Variants in DNAJC13 observed in about 807,000 individuals in gnomAD.
DNAJC13 encodes DnaJ heat shock protein family (Hsp40) member C13, also known as dnaJ homolog subfamily C member 13.
A neutral mutation model predicts 290.5 loss-of-function variants in DNAJC13; 75 were observed. That is an observed-to-expected ratio of 0.26 (90% confidence interval 0.21 to 0.31). DNAJC13 has a LOEUF of 0.31. Ranked by LOEUF, DNAJC13 falls within the 10% of genes least tolerant of loss-of-function variation. DNAJC13 has a pLI of 1.00. For missense variants in DNAJC13, 2,260 were observed against 2,674.5 expected (o/e 0.85, Z 3.42); for synonymous variants, 862 against 892.0 (o/e 0.97, Z 0.60).
Position 132,475,014 on chromosome 3 carries a change from A to G in DNAJC13, c.2374A>G (p.Met792Val), listed in dbSNP as rs1934422928. ...EELKDTLESE[M>V]RAFNIDRELG... Reference sequence around the variant, plus strand: ...ACTGAAAGATACTCTTGAATCTGAAATGAGAGCATTTAATATTGACAGAGA... The same window carrying G: ...ACTGAAAGATACTCTTGAATCTGAAGTGAGAGCATTTAATATTGACAGAGA... Residue 792 changes from methionine to valine, a missense_variant, in exon 22 of 56, where the codon ATG becomes GTG. Transcript: ENST00000260818. The G allele has an allele frequency of 2.5e-6, 4 of 1,612,120 alleles. No homozygotes were observed. In the East Asian group the frequency reaches 8.9e-5, roughly 36 times the overall value.
chr3:132,490,711 A>T (rs1030109421), intron 31 of DNAJC13, among the ~76,000 whole-genome samples, 186 bp from the exon 32 acceptor site: 7 of 152,314 alleles, frequency 4.6e-5, no homozygotes, highest in African/African-American at 1.4e-4. Flanking sequence ...ATGCCAAGCC[A>T]GTTTGTACCA....
chr3:132,432,070 G>A (rs1017913211), intron 1 of DNAJC13, among the ~76,000 whole-genome samples: 1 of 152,104 alleles, frequency 6.6e-6, no homozygotes, highest in Non-Finnish European at 1.5e-5. Flanking sequence ...TTCTAATTAT[G>A]TAAAAAATAC....
intron 19 of DNAJC13, 128 bp from the exon 20 acceptor site, chr3:132,467,042 T>C (rs1294201512): frequency 6.7e-6 from 7 of 1,043,014 alleles, no homozygotes; most frequent in Non-Finnish European, 9.1e-6. Context: ...AGTTTTCAGT[T>C]TGTTTCTTCA....
At chr3:132,461,347 G>T in intron 15 of DNAJC13, 142 bp downstream of exon 15, 1 of 833,562 alleles carries the variant, frequency 1.2e-6, no homozygotes, top group Non-Finnish European at 1.9e-6. Context: ...ACTGAAAGAA[G>T]AGTTGTCTTG....
At chr3:132,485,541 A>G (rs1462936839) in intron 29 of DNAJC13, among the ~76,000 whole-genome samples, 1 of 152,152 alleles carries the variant, frequency 6.6e-6, no homozygotes, top group Non-Finnish European at 1.5e-5. Context: ...TTTATTTATT[A>G]CCTATTTTTA....
At chr3:132,496,064 C>T (rs1576499860) in intron 35 of DNAJC13, among the ~76,000 whole-genome samples, 1 of 152,062 alleles carries the variant, frequency 6.6e-6, no homozygotes, top group East Asian at 1.9e-4. Context: ...TTAGCTCTGC[C>T]ACCAGTTGAT....
chr3:132,522,982 G>C lies in DNAJC13; in HGVS notation c.5828G>C (p.Arg1943Thr). Residue 1943 changes from arginine (R) to threonine (T), a missense_variant, in exon 49 of 56, where the codon AGG becomes ACG. By Grantham distance (71) the Arg-to-Thr change is moderately conservative. Around this residue, in one of 3 missense-constraint regions of DNAJC13, gnomAD observed 1,494 missense variants for 1,693.7 expected, o/e 0.88. Coordinates refer to ENST00000260818, the MANE Select transcript of DNAJC13 (RefSeq NM_015268.4). ...NSRDKVSTTV[R>T]EMMLEHFKNQ... ...AGAGATAAAGTGTCCACAACAGTTA[G>C]GGAAATGATGCTAGAGTAAGTAAAA... 6.2e-7 allele frequency: 1 copy of C among 1,609,448 alleles called. No individual in the cohort carries two copies. Among genetic ancestry groups the C allele is most frequent in the Non-Finnish European group, 8.5e-7 (1 of 1,178,786 alleles).
At chr3:132,507,965 A>C (rs1935648074) in intron 43 of DNAJC13, among the ~76,000 whole-genome samples, 1 of 152,226 alleles carries the variant, frequency 6.6e-6, no homozygotes, top group Non-Finnish European at 1.5e-5. Context: ...CACACAGCCA[A>C]GTTGTGAGTG....
At chr3:132,481,007 A>G (rs914891232) in intron 26 of DNAJC13, among the ~76,000 whole-genome samples, 3 of 152,312 alleles carry the variant, frequency 2.0e-5, no homozygotes, top group Admixed American at 6.5e-5. Context: ...GTTATATACC[A>G]TTACAACAGG....
intron 1 of DNAJC13, among the ~76,000 whole-genome samples, chr3:132,420,884 T>A (rs1403400296): frequency 6.6e-6 from 1 of 152,218 alleles, no homozygotes; most frequent in African/African-American, 2.4e-5. Context: ...ACACAACATG[T>A]CCAGCTTTTA....
At chr3:132,428,606 A>T (rs1939165860) in intron 1 of DNAJC13, among the ~76,000 whole-genome samples, 1 of 152,044 alleles carries the variant, frequency 6.6e-6, no homozygotes. Flanking sequence ...CATGGTGCCT[A>T]GCCAATCTGG....
Position 132,467,303 on chromosome 3 carries a change from C to G in DNAJC13, c.2198C>G (p.Ala733Gly), listed in dbSNP as rs377679037. Residue 733 changes from alanine (A) to glycine (G), a missense_variant, in exon 20 of 56, where the codon GCT (alanine) becomes GGT (glycine). Transcript: ENST00000260818. ...LMHWRDRMGI[A>G]QKENINQKPV... ...CACTGGAGGGATAGGATGGGCATTG[C>G]TCAAAAAGAGGTAAAAATAAAATTT... 6.2e-7 allele frequency: 1 copy of G among 1,611,578 alleles called. No individual in the cohort carries two copies. Among genetic ancestry groups the G allele is most frequent in the Non-Finnish European group, 8.5e-7 (1 of 1,179,002 alleles).
At chr3:132,493,210 C>G (rs1935119841) in intron 33 of DNAJC13, among the ~76,000 whole-genome samples, 1 of 151,952 alleles carries the variant, frequency 6.6e-6, no homozygotes, top group Admixed American at 6.6e-5. Context: ...GTTGGCCTGT[C>G]CAGAGTGCCC....
In DNAJC13 at chr3:132,465,201, T is replaced by C. The variant is rs140941199; in HGVS notation, c.1893-794T>C. ...GGGTTTTGCAGTTAAATTTTGTTCT[T>C]CAGTAATGTAACATATATAAAACAT... On this transcript the variant is annotated intron_variant, in intron 17 of 55. Coordinates refer to ENST00000260818, the MANE Select transcript of DNAJC13 (RefSeq NM_015268.4). Among the ~76,000 whole-genome samples the C allele has an allele frequency of 1.5e-3, 227 of 152,288 alleles. 1 individual carries two copies. Among genetic ancestry groups the C allele is most frequent in the African/African-American group, 5.3e-3 (220 of 41,588 alleles).
intron 1 of DNAJC13, among the ~76,000 whole-genome samples, chr3:132,420,388 G>A (rs376761146): frequency 6.6e-6 from 1 of 152,124 alleles, no homozygotes; most frequent in African/African-American, 2.4e-5. Context: ...GAACATTCAG[G>A]GGGTAGATGA....
intron 13 of DNAJC13, among the ~76,000 whole-genome samples, chr3:132,459,149 C>G (rs1413519575): frequency 1.3e-5 from 2 of 152,094 alleles, no homozygotes; most frequent in Non-Finnish European, 2.9e-5. Context: ...GTAACTTGTT[C>G]AAGGTCATGT....
chr3:132,466,770 C>A (rs1452737061), intron 19 of DNAJC13, among the ~76,000 whole-genome samples: 5 of 152,068 alleles, frequency 3.3e-5, no homozygotes, highest in Admixed American at 2.6e-4. Flanking sequence ...TTGGTAAAAA[C>A]GGCCAACCAT....
At position 132,528,174 on chromosome 3, in the gene DNAJC13, T is replaced by G; in HGVS notation, c.6382-15T>G. Reference sequence around the variant, plus strand: ...TTTTTTCTGTGTGTTTATATATGCTTAATATTTCTTCTAGGCCCTGAAAGC... The same window carrying G: ...TTTTTTCTGTGTGTTTATATATGCTGAATATTTCTTCTAGGCCCTGAAAGC... On this transcript the variant is annotated splice_polypyrimidine_tract_variant and intron_variant, in intron 53 of 55. Coordinates refer to ENST00000260818, the MANE Select transcript of DNAJC13 (RefSeq NM_015268.4). 6.2e-7 allele frequency: 1 copy of G among 1,613,418 alleles called. No homozygotes were observed. The highest frequency in any genetic ancestry group is 8.5e-7 in the Non-Finnish European group (1 of 1,179,654).
chr3:132,439,915 G>C (rs540492635), intron 2 of DNAJC13, among the ~76,000 whole-genome samples: 4 of 152,262 alleles, frequency 2.6e-5, no homozygotes, highest in African/African-American at 9.6e-5. Flanking sequence ...CCAGATGAAC[G>C]ATCAGTTTGC....
Sources: allele counts gnomAD v4.1 joint callset (sites outside exome capture counted in the v4.1 genomes callset), GRCh38; gene constraint gnomAD v4.1.1; regional missense constraint gnomAD v4.1.1; transcripts MANE v1.5; gene names NCBI Gene and HGNC (gene_info 2026-07-23, HGNC 2026-07-21).